Variants in THEMIS observed in about 807,000 individuals in gnomAD.
THEMIS encodes the protein thymocyte selection associated.
In THEMIS, 37 loss-of-function variants were observed where a neutral mutation model predicts 52.6. The observed-to-expected ratio is 0.70, with a 90% CI of 0.54 to 0.93. The LOEUF (loss-of-function observed/expected upper bound fraction) is 0.93, where lower values mean the gene tolerates loss of function less well. Among genes scored for constraint, THEMIS ranks in the 40% least tolerant of loss-of-function variants. THEMIS has a pLI of 0.00. For missense variants in THEMIS, 808 were observed against 763.1 expected (o/e 1.06, Z -0.69); for synonymous variants, 292 against 272.7 (o/e 1.07, Z -0.70).
At chr6:127,809,124 A>G (rs567853580) in intron 4 of THEMIS, among the ~76,000 whole-genome samples, 1 of 152,330 alleles carries the variant, frequency 6.6e-6, no homozygotes, top group African/African-American at 2.4e-5. Context: ...TAATGAGCTA[A>G]ATGAGTTTGA....
chr6:127,804,788 A>C (rs894892389), intron 4 of THEMIS, among the ~76,000 whole-genome samples: 5 of 152,162 alleles, frequency 3.3e-5, no homozygotes, highest in Non-Finnish European at 7.4e-5. Flanking sequence ...ATCCTATTTC[A>C]CAACTGGTAA....
At chr6:127,814,054 A>G in intron 3 of THEMIS, 123 bp from the exon 4 acceptor site, 1 of 813,880 alleles carries the variant, frequency 1.2e-6, no homozygotes, top group Non-Finnish European at 1.8e-6. Context: ...ATCATCATAT[A>G]TCATTTCTTA....
At position 127,714,629 on chromosome 6, in the gene THEMIS, A is replaced by G. The variant is rs575654834; in HGVS notation, c.1895-4613T>C. ...CCTGTAAGATAAGTATTTTTATTCT[A>G]ATTTTAAAGATAAGAAAACAAAATC... is the stretch of plus-strand genomic sequence containing the variant. On this transcript the variant is annotated intron_variant, in intron 5 of 5. Transcript: ENST00000368248. Among the ~76,000 whole-genome samples the G allele has an allele frequency of 4.1e-4, 63 of 152,012 alleles. 1 individual carries two copies. The highest frequency in any genetic ancestry group is 1.1e-3 in the Admixed American group (17 of 15,242).
intron 5 of THEMIS, among the ~76,000 whole-genome samples, chr6:127,711,657 T>C (rs1773987631): frequency 6.6e-6 from 1 of 152,030 alleles, no homozygotes; most frequent in Admixed American, 6.6e-5. Flanking sequence ...CTGTAGAATA[T>C]ACATTTTAGA....
At chr6:127,807,749 C>T (rs1777767019) in intron 4 of THEMIS, among the ~76,000 whole-genome samples, 1 of 152,174 alleles carries the variant, frequency 6.6e-6, no homozygotes. Flanking sequence ...AAAAACAAGT[C>T]ACATTGTTTG....
Position 127,845,043 on chromosome 6 carries a change from C to G in THEMIS, c.250+9987G>C, listed in dbSNP as rs1008669267. On this transcript the variant is annotated intron_variant, in intron 2 of 5. Coordinates refer to ENST00000368248, the MANE Select transcript of THEMIS (RefSeq NM_001010923.3). ...TATATTTGGAGTTCAGATCCCCATTCAAATTTTAGTAAAAAAAAAAAAGGC... is the reference window on the plus strand; with the variant it reads ...TATATTTGGAGTTCAGATCCCCATTGAAATTTTAGTAAAAAAAAAAAAGGC... Among the ~76,000 whole-genome samples, 5 of 149,968 alleles carry G rather than the reference C, an allele frequency of 3.3e-5. No homozygotes were observed. The East Asian group carries it at 1.0e-3, about 30-fold the overall frequency.
At chr6:127,818,473 A>G (rs921304365) in intron 3 of THEMIS, among the ~76,000 whole-genome samples, 14 of 152,262 alleles carry the variant, frequency 9.2e-5, no homozygotes, top group African/African-American at 3.4e-4. Context: ...GACACCTACC[A>G]TTATAGTAAA....
Position 127,900,978 on chromosome 6 carries a change from G to A in THEMIS, c.-46C>T. 1 of 1,507,350 alleles carries A rather than the reference G, an allele frequency of 6.6e-7. No homozygotes were observed. Among genetic ancestry groups the A allele is most frequent in the Non-Finnish European group, 9.2e-7 (1 of 1,083,694 alleles). The allele number at this position is 1,507,350 out of a possible 1,614,324, so 93.4% of individuals were successfully genotyped here. A position where few individuals can be genotyped will look rare whatever the true frequency, so the allele number is the denominator to read the frequency against. The stretch of plus-strand genomic sequence containing the variant: ...GTAGACCTGGTGCTCACAGAAACTT[G>A]TGGCTTCTGGGTGACACTTGTCTGC... On this transcript the variant is annotated 5_prime_UTR_variant, in exon 1 of 6. Transcript: ENST00000368248.
At chr6:127,836,242 C>T (rs1778870723) in intron 2 of THEMIS, among the ~76,000 whole-genome samples, 1 of 152,010 alleles carries the variant, frequency 6.6e-6, no homozygotes, top group African/African-American at 2.4e-5. Flanking sequence ...TTGATGTTGC[C>T]TGCAAATTAA....
downstream of THEMIS, among the ~76,000 whole-genome samples, chr6:127,704,823 T>A (rs767064105): frequency 5.9e-5 from 9 of 152,228 alleles, no homozygotes; most frequent in Admixed American, 1.3e-4. Context: ...TTATTCGGCT[T>A]ACACTTCCAG....
At chr6:127,698,526 A>T in the THEMIS span, among the ~76,000 whole-genome samples, 1 of 151,904 alleles carries the variant, frequency 6.6e-6, no homozygotes, top group Non-Finnish European at 1.5e-5. Flanking sequence ...AAGGAAGGTT[A>T]CTCTTTCTGG....
At chr6:127,784,951 CTAT>C (rs1776874735) in intron 4 of THEMIS, among the ~76,000 whole-genome samples, 1 of 7,104 alleles carries the variant, frequency 1.4e-4, no homozygotes, top group African/African-American at 4.6e-4. Flanking sequence ...GGCAGTCACA[CTAT>C]CTATCTATCT....
At chr6:127,728,300 T>A (rs1261536755) in intron 4 of THEMIS, among the ~76,000 whole-genome samples, 1 of 152,136 alleles carries the variant, frequency 6.6e-6, no homozygotes, top group African/African-American at 2.4e-5. Flanking sequence ...GGGGGCGTTG[T>A]TTTGGTTTTA....
intron 4 of THEMIS, among the ~76,000 whole-genome samples, chr6:127,768,985 T>C (rs1014925802): frequency 7.9e-5 from 12 of 152,208 alleles, no homozygotes; most frequent in African/African-American, 2.9e-4. Flanking sequence ...AAAATGCAAA[T>C]GTTGCAGTGT....
chr6:127,713,343 G>A (rs1774046789), intron 5 of THEMIS, among the ~76,000 whole-genome samples: 1 of 151,836 alleles, frequency 6.6e-6, no homozygotes, highest in African/African-American at 2.4e-5. Context: ...TTTGCATACA[G>A]AAAATGTTTG....
At chr6:127,794,758 A>G (rs2114535904) in intron 4 of THEMIS, among the ~76,000 whole-genome samples, 1 of 152,336 alleles carries the variant, frequency 6.6e-6, no homozygotes, top group Non-Finnish European at 1.5e-5. Context: ...ATTCTTTCAA[A>G]AATTATTCTA....
chr6:127,783,784 G>T lies in THEMIS; in HGVS notation c.1758+29099C>A, dbSNP rs141419007. ...GAAATACGAACACTGTTACACTGTT[G>T]TTGGGAATGTAAATTAGTTCAACCA... On this transcript the variant is annotated intron_variant, in intron 4 of 5. Transcript: ENST00000368248. Among the ~76,000 whole-genome samples the T allele has an allele frequency of 1.7e-4, 26 of 152,330 alleles. 1 individual carries two copies. In the East Asian group the frequency reaches 3.7e-3, roughly 21 times the overall value.
intron 4 of THEMIS, among the ~76,000 whole-genome samples, chr6:127,770,587 T>C (rs1428978946): frequency 3.3e-5 from 5 of 152,206 alleles, no homozygotes; most frequent in African/African-American, 1.2e-4. Flanking sequence ...CTGTTCACTC[T>C]AATGATAGTT....
At chr6:127,811,157 C>T (rs188798676) in intron 4 of THEMIS, among the ~76,000 whole-genome samples, 2 of 152,292 alleles carry the variant, frequency 1.3e-5, no homozygotes, top group East Asian at 3.9e-4. Flanking sequence ...ATTCCTCCTT[C>T]TCAACTTGAT....
Sources: allele counts gnomAD v4.1 joint callset (sites outside exome capture counted in the v4.1 genomes callset), GRCh38; gene constraint gnomAD v4.1.1; transcripts MANE v1.5; gene names NCBI Gene and HGNC (gene_info 2026-07-23, HGNC 2026-07-21).